The following TSHZ2 variants were observed in gnomAD, a reference collection of about 807,000 sequenced individuals.
The protein encoded by TSHZ2 is teashirt homolog 2.
Under a neutral mutation model 74.4 loss-of-function variants are expected in TSHZ2, and 21 were observed. The ratio of observed to expected loss-of-function variants is 0.28; its 90% CI spans 0.20 to 0.41. The LOEUF is 0.41. Ranked by LOEUF, TSHZ2 falls within the 10% of genes least tolerant of loss-of-function variation. The pLI is 1.00. For synonymous variants in TSHZ2, 540 were observed against 515.3 expected, an observed-to-expected ratio of 1.05 and a Z score of -0.65; for missense variants, 1,244 against 1,293.5, an observed-to-expected ratio of 0.96 and a Z score of 0.59.
intron 2 of TSHZ2, among the ~76,000 whole-genome samples, chr20:53,325,731 G>A (rs1274503702): frequency 6.6e-6 from 1 of 152,068 alleles, no homozygotes; most frequent in African/African-American, 2.4e-5. Flanking sequence ...ATGGAAATAG[G>A]AGGAAGTAAA....
chr20:53,227,184 G>A (rs1989704563), intron 1 of TSHZ2, among the ~76,000 whole-genome samples: 1 of 151,792 alleles, frequency 6.6e-6, no homozygotes, highest in Non-Finnish European at 1.5e-5. Context: ...GATAATATAT[G>A]TATGAGATCC....
chr20:53,366,580 C>T (rs1981267287), intron 2 of TSHZ2, among the ~76,000 whole-genome samples: 1 of 152,132 alleles, frequency 6.6e-6, no homozygotes, highest in African/African-American at 2.4e-5. Flanking sequence ...GTTCTCTTCG[C>T]CCAACGCAGA....
At chr20:53,042,824 G>A (rs1280844134) in intron 1 of TSHZ2, among the ~76,000 whole-genome samples, 3 of 152,060 alleles carry the variant, frequency 2.0e-5, no homozygotes, top group Admixed American at 6.6e-5. Flanking sequence ...CATATGTTTC[G>A]ATCCAGCAAT....
At chr20:53,390,999 A>G (rs538978306) in intron 2 of TSHZ2, among the ~76,000 whole-genome samples, 1 of 152,346 alleles carries the variant, frequency 6.6e-6, no homozygotes, top group African/African-American at 2.4e-5. Context: ...GATAATATAT[A>G]AACAAGGGAG....
chr20:53,082,865 T>C (rs1850438780), intron 1 of TSHZ2, among the ~76,000 whole-genome samples: 1 of 152,246 alleles, frequency 6.6e-6, no homozygotes, highest in Non-Finnish European at 1.5e-5. Flanking sequence ...CAAATCTTGT[T>C]AAATGTTGTA....
At chr20:53,321,835 G>A (rs919547913) in intron 2 of TSHZ2, among the ~76,000 whole-genome samples, 2 of 151,794 alleles carry the variant, frequency 1.3e-5, no homozygotes, top group Non-Finnish European at 2.9e-5. Flanking sequence ...TGGACAGTGT[G>A]GACCCGGTGA....
chr20:53,109,191 G>A (rs1986461845), intron 1 of TSHZ2, among the ~76,000 whole-genome samples: 1 of 152,110 alleles, frequency 6.6e-6, no homozygotes, highest in Non-Finnish European at 1.5e-5. Flanking sequence ...TTTAAAATGA[G>A]CTTAAATATA....
intron 2 of TSHZ2, among the ~76,000 whole-genome samples, chr20:53,436,536 A>AT (rs71194478): frequency 0.016 from 1,328 of 83,066 alleles, 62 homozygotes; most frequent in East Asian, 0.072. Flanking sequence ...TATTATTATT[A>AT]TTATTATTAT....
intron 2 of TSHZ2, among the ~76,000 whole-genome samples, chr20:53,340,787 T>A (rs764978423): frequency 3.3e-5 from 5 of 152,156 alleles, no homozygotes; most frequent in Non-Finnish European, 7.3e-5. Context: ...CTCTTCTTTG[T>A]CTTGTAGACA....
chr20:53,442,206 C>G (rs1984361205), intron 2 of TSHZ2, among the ~76,000 whole-genome samples: 1 of 152,086 alleles, frequency 6.6e-6, no homozygotes, highest in Non-Finnish European at 1.5e-5. Flanking sequence ...GTAAAGGAGA[C>G]AGTTCTGTAC....
intron 2 of TSHZ2, among the ~76,000 whole-genome samples, chr20:53,294,848 A>G (rs971703970): frequency 3.9e-5 from 6 of 152,186 alleles, no homozygotes; most frequent in African/African-American, 1.4e-4. Flanking sequence ...TTTGAAAAGC[A>G]GGATTCCCAT....
At chr20:53,239,598 G>A (rs951201616) in intron 1 of TSHZ2, among the ~76,000 whole-genome samples, 1 of 152,040 alleles carries the variant, frequency 6.6e-6, no homozygotes, top group East Asian at 1.9e-4. Context: ...CATTTGAAGT[G>A]GCCTTGGAAT....
intron 2 of TSHZ2, among the ~76,000 whole-genome samples, chr20:53,263,237 G>T (rs1264449485): frequency 6.6e-6 from 1 of 152,206 alleles, no homozygotes; most frequent in Non-Finnish European, 1.5e-5. Flanking sequence ...TTTTGGGCAA[G>T]TTTGACTTGC....
At chr20:53,070,318 T>C (rs2123194659) in intron 1 of TSHZ2, among the ~76,000 whole-genome samples, 1 of 152,316 alleles carries the variant, frequency 6.6e-6, no homozygotes, top group East Asian at 1.9e-4. Flanking sequence ...GTCTTACTCA[T>C]GGAGAACAAT....
At chr20:53,362,907 C>T (rs1264339109) in intron 2 of TSHZ2, among the ~76,000 whole-genome samples, 1 of 152,230 alleles carries the variant, frequency 6.6e-6, no homozygotes, top group African/African-American at 2.4e-5. Flanking sequence ...CATCTCCACA[C>T]ATCAAAAGGT....
At chr20:53,150,641 T>C (rs1316596314) in intron 1 of TSHZ2, among the ~76,000 whole-genome samples, 1 of 146,610 alleles carries the variant, frequency 6.8e-6, no homozygotes, top group African/African-American at 2.5e-5. Context: ...AAATAAAAGT[T>C]TTTTAAAAAA....
intron 2 of TSHZ2, among the ~76,000 whole-genome samples, chr20:53,295,561 C>G (rs1991360834): frequency 6.6e-6 from 1 of 152,056 alleles, no homozygotes; most frequent in African/African-American, 2.4e-5. Context: ...ATCTGCAAAC[C>G]CCTGTGCTTT....
chr20:53,018,136 C>T (rs780983480), intron 1 of TSHZ2, among the ~76,000 whole-genome samples: 1 of 152,192 alleles, frequency 6.6e-6, no homozygotes, highest in East Asian at 1.9e-4. Flanking sequence ...CTTGCTCTAG[C>T]AGCTGGACAA....
At chr20:53,059,624 A>G in intron 1 of TSHZ2, among the ~76,000 whole-genome samples, 1 of 152,166 alleles carries the variant, frequency 6.6e-6, no homozygotes, top group African/African-American at 2.4e-5. Flanking sequence ...AAAATGTTTT[A>G]GTGTGATTAG....
Sources: allele counts gnomAD v4.1 joint callset (sites outside exome capture counted in the v4.1 genomes callset), GRCh38; gene constraint gnomAD v4.1.1; transcripts MANE v1.5; gene names NCBI Gene and HGNC (gene_info 2026-07-23, HGNC 2026-07-21).